Variants in CFAP77 observed in about 807,000 individuals in gnomAD.
The protein encoded by CFAP77 is cilia and flagella associated protein 77.
A neutral mutation model predicts 31.1 loss-of-function variants in CFAP77; 25 were observed. That is an observed-to-expected ratio of 0.80 (90% CI 0.59 to 1.12). The LOEUF (loss-of-function observed/expected upper bound fraction) is 1.12, where lower values mean the gene tolerates loss of function less well. Ranked by LOEUF, CFAP77 falls within the 50% of genes most tolerant of loss-of-function variation. CFAP77 has a pLI of 0.00. For synonymous variants in CFAP77, 151 were observed against 159.9 expected, an observed-to-expected ratio of 0.94 and a Z score of 0.42; for missense variants, 377 against 397.3, an observed-to-expected ratio of 0.95 and a Z score of 0.44.
intron 5 of CFAP77, among the ~76,000 whole-genome samples, chr9:132,549,394 T>C (rs1852788741): frequency 6.6e-6 from 1 of 152,182 alleles, no homozygotes; most frequent in Non-Finnish European, 1.5e-5. Context: ...GGGCACCAAG[T>C]GCAGGAATGG....
At chr9:132,530,119 T>G (rs1176911218) in intron 3 of CFAP77, among the ~76,000 whole-genome samples, 1 of 150,906 alleles carries the variant, frequency 6.6e-6, no homozygotes, top group Non-Finnish European at 1.5e-5. Flanking sequence ...CTTTTGCCTC[T>G]TTTCTTTCTT....
At chr9:132,568,928 G>T (rs1829921843) in intron 5 of CFAP77, among the ~76,000 whole-genome samples, 3 of 152,140 alleles carry the variant, frequency 2.0e-5, no homozygotes. Context: ...TCTAACTCCT[G>T]GGCTCAAGCA....
At chr9:132,451,374 G>A (rs937723910) in intron 1 of CFAP77, among the ~76,000 whole-genome samples, 7 of 151,586 alleles carry the variant, frequency 4.6e-5, no homozygotes, top group Non-Finnish European at 8.8e-5. Flanking sequence ...TCATGAATTG[G>A]ATGTGGGTAG....
chr9:132,572,860 G>T lies in CFAP77; in HGVS notation c.*350G>T. On this transcript the variant is annotated 3_prime_UTR_variant, in exon 6 of 6. Coordinates refer to ENST00000393216, the MANE Select transcript of CFAP77 (RefSeq NM_001282957.2). ...CTCCAGGCTAAGGGTCGATTCCATG[G>T]CTCTGCCCATTAAGTGTTAAGAACG... 3.4e-6 allele frequency: 1 copy of T among 297,624 alleles called. No individual in the cohort carries two copies. Among genetic ancestry groups the T allele is most frequent in the South Asian group, 8.3e-5 (1 of 11,990 alleles). 18.4% of individuals were successfully genotyped at this position (297,624 alleles called of 1,614,324 possible). A position where few individuals can be genotyped will look rare whatever the true frequency, so the allele number is the denominator to read the frequency against.
At chr9:132,428,833 A>G (rs1205999396) in intron 1 of CFAP77, among the ~76,000 whole-genome samples, 5 of 151,934 alleles carry the variant, frequency 3.3e-5, no homozygotes, top group African/African-American at 9.7e-5. Flanking sequence ...CTCTGCGTAC[A>G]CTGGCATCAC....
At chr9:132,458,414 A>G (rs545939259) in intron 1 of CFAP77, among the ~76,000 whole-genome samples, 64 of 150,164 alleles carry the variant, frequency 4.3e-4, no homozygotes, top group African/African-American at 1.5e-3. Context: ...TTCTCCACAT[A>G]TGGAATTTCG....
At chr9:132,566,633 G>A (rs1429202196) in intron 5 of CFAP77, among the ~76,000 whole-genome samples, 2 of 152,138 alleles carry the variant, frequency 1.3e-5, no homozygotes, top group African/African-American at 2.4e-5. Flanking sequence ...GTACAGAATA[G>A]GCCCCATCTC....
At chr9:132,448,993 G>A (rs992215266) in intron 1 of CFAP77, among the ~76,000 whole-genome samples, 2 of 152,166 alleles carry the variant, frequency 1.3e-5, no homozygotes, top group South Asian at 2.1e-4. Flanking sequence ...GTGGAGATGA[G>A]GTTATGGGAA....
In CFAP77 at chr9:132,435,095, T is replaced by G. The variant is rs1002096716; in HGVS notation, c.195+24629T>G. 2.6e-5 allele frequency among the ~76,000 whole-genome samples: 4 copies of G among 152,280 alleles called. No homozygotes were observed. The South Asian group carries it at 8.3e-4, about 32-fold the overall frequency. The stretch of plus-strand genomic sequence containing the variant: ...TTCTTCCGCCGCCTTGGAGGTGGTG[T>G]TGTGGGCTGTAATGATTTGGTATTG... On this transcript the variant is annotated intron_variant, in intron 1 of 5. Coordinates refer to ENST00000393216, the MANE Select transcript of CFAP77 (RefSeq NM_001282957.2).
chr9:132,418,803 C>T (rs1025353787), intron 1 of CFAP77, among the ~76,000 whole-genome samples: 3 of 152,216 alleles, frequency 2.0e-5, no homozygotes, highest in African/African-American at 7.2e-5. Flanking sequence ...TTCCCTGGTG[C>T]ACCAACTTCC....
At chr9:132,441,119 G>C (rs1172221611) in intron 1 of CFAP77, among the ~76,000 whole-genome samples, 1 of 152,054 alleles carries the variant, frequency 6.6e-6, no homozygotes, top group African/African-American at 2.4e-5. Context: ...AGGGTCAGTG[G>C]GACCCGCAGC....
Position 132,501,909 on chromosome 9 carries a change from G to A in CFAP77, c.524+2309G>A, listed in dbSNP as rs73659064. ...TGGTGGAAAAGACGTACAGACCAGG[G>A]TTGTGTTCCAGGAGGGGAATGGACA... is the stretch of plus-strand genomic sequence containing the variant. On this transcript the variant is annotated intron_variant, in intron 3 of 5. Coordinates refer to ENST00000393216, the MANE Select transcript of CFAP77 (RefSeq NM_001282957.2). This position sits in a 1 kb window ranked among gnomAD's most constrained non-coding sequence, Gnocchi z 4.6. 0.02 allele frequency among the ~76,000 whole-genome samples: 3,014 copies of A among 152,284 alleles called. 71 individuals are homozygous for A. The highest frequency in any genetic ancestry group is 0.065 in the Middle Eastern group (19 of 294).
At chr9:132,468,664 T>A (rs1208014784) in intron 1 of CFAP77, among the ~76,000 whole-genome samples, 4 of 152,342 alleles carry the variant, frequency 2.6e-5, no homozygotes, top group Admixed American at 1.3e-4. Context: ...GTGATGTCTG[T>A]CTTTCCAGAT....
At chr9:132,433,509 C>T (rs950266845) in intron 1 of CFAP77, among the ~76,000 whole-genome samples, 6 of 152,020 alleles carry the variant, frequency 3.9e-5, no homozygotes, top group African/African-American at 7.2e-5. Flanking sequence ...CACTTCACTA[C>T]GCTCCCCACA....
chr9:132,440,746 C>T (rs906991651), intron 1 of CFAP77, among the ~76,000 whole-genome samples: 3 of 152,176 alleles, frequency 2.0e-5, no homozygotes, highest in East Asian at 1.9e-4. Context: ...TTATTTCTGT[C>T]GTCATTTGAG....
chr9:132,465,038 C>T (rs1313001408), intron 1 of CFAP77, among the ~76,000 whole-genome samples: 1 of 139,424 alleles, frequency 7.2e-6, no homozygotes, highest in Non-Finnish European at 1.5e-5. Flanking sequence ...TGTGCCATTA[C>T]ACTCCAGCCT....
At chr9:132,570,074 G>T (rs1026963094) in intron 5 of CFAP77, among the ~76,000 whole-genome samples, 1 of 152,158 alleles carries the variant, frequency 6.6e-6, no homozygotes, top group Non-Finnish European at 1.5e-5. Context: ...GGAAGATCGT[G>T]TCACAGTGTA....
At chr9:132,477,813 G>C (rs1388067919) in intron 1 of CFAP77, among the ~76,000 whole-genome samples, 2 of 152,134 alleles carry the variant, frequency 1.3e-5, no homozygotes, top group Non-Finnish European at 2.9e-5. Flanking sequence ...GGCTCAGACG[G>C]GCAGCCTAGG....
At chr9:132,471,112 A>G (rs960367691) in intron 1 of CFAP77, among the ~76,000 whole-genome samples, 4 of 152,168 alleles carry the variant, frequency 2.6e-5, no homozygotes, top group African/African-American at 9.7e-5. Context: ...CCACTGCCTG[A>G]TGGGTGAGTT....
Sources: gnomAD v4.1 joint callset for allele counts (sites outside exome capture counted in the v4.1 genomes callset) on GRCh38, gnomAD v4.1.1 for gene constraint, Gnocchi (gnomAD v3.1) non-coding constraint, MANE v1.5 for transcripts, NCBI Gene and HGNC (gene_info 2026-07-23, HGNC 2026-07-21) for gene names.